Variants in CADM2 observed in about 807,000 individuals in gnomAD.
CADM2 encodes immunoglobulin superfamily member 4D.
In CADM2, 12 loss-of-function variants were observed where a neutral mutation model predicts 49.8. The observed-to-expected ratio is 0.24, with a 90% confidence interval of 0.15 to 0.39. The LOEUF (loss-of-function observed/expected upper bound fraction) is 0.39. Among genes scored for constraint, CADM2 ranks in the 10% least tolerant of loss-of-function variants. The pLI is 1.00. For missense variants in CADM2, 378 were observed against 492.3 expected (o/e 0.77, Z 2.20); for synonymous variants, 214 against 175.4 (o/e 1.22, Z -1.74).
chr3:85,774,732 C>A (rs1033963905), intron 2 of CADM2, among the ~76,000 whole-genome samples: 1 of 151,172 alleles, frequency 6.6e-6, no homozygotes, highest in Non-Finnish European at 1.5e-5. Context: ...AATAGGTCAC[C>A]TAAATTAAGT....
chr3:85,834,221 T>G (rs973543549), intron 3 of CADM2, among the ~76,000 whole-genome samples: 2 of 151,642 alleles, frequency 1.3e-5, no homozygotes, highest in Non-Finnish European at 3.0e-5. Flanking sequence ...AAAAAATTAT[T>G]ATACTCTTAT....
intron 1 of CADM2, among the ~76,000 whole-genome samples, chr3:85,689,230 G>T (rs951484000): frequency 1.3e-5 from 2 of 152,150 alleles, no homozygotes; most frequent in African/African-American, 2.4e-5. Context: ...ATGACAGAAC[G>T]ATCACGGGAA....
At chr3:85,292,421 G>C (rs957124596) in intron 1 of CADM2, among the ~76,000 whole-genome samples, 30 of 151,200 alleles carry the variant, frequency 2.0e-4, no homozygotes, top group African/African-American at 7.3e-4. Flanking sequence ...ATTGAACTCA[G>C]CTCTGCCCCA....
chr3:85,396,089 T>G (rs2034774645), intron 1 of CADM2, among the ~76,000 whole-genome samples: 1 of 151,294 alleles, frequency 6.6e-6, no homozygotes, highest in Admixed American at 6.6e-5. Context: ...CAGTATTGAT[T>G]CTGAAGAAAG....
chr3:85,046,421 G>T (rs2035658973), intron 1 of CADM2, among the ~76,000 whole-genome samples: 1 of 151,328 alleles, frequency 6.6e-6, no homozygotes, highest in Non-Finnish European at 1.5e-5. Context: ...ATCCCACGGG[G>T]TCAATTATAG....
chr3:85,989,255 T>G (rs998931927), intron 8 of CADM2, among the ~76,000 whole-genome samples: 4 of 152,066 alleles, frequency 2.6e-5, no homozygotes, highest in Non-Finnish European at 5.9e-5. Context: ...ACAAGAGAAC[T>G]GTTGGCTACA....
At chr3:85,396,964 A>C (rs2034822346) in intron 1 of CADM2, among the ~76,000 whole-genome samples, 1 of 152,116 alleles carries the variant, frequency 6.6e-6, no homozygotes, top group Non-Finnish European at 1.5e-5. Flanking sequence ...AAGCAGAATG[A>C]AAGTACAACC....
rs1229163420 is a variant in CADM2, at chr3:84,961,123, GAC to G, written c.61+1460_61+1461del. 1.6e-4 allele frequency among the ~76,000 whole-genome samples: 25 copies of G among 152,084 alleles called. 1 individual carries two copies. Among genetic ancestry groups the G allele is most frequent in the Admixed American group, 1.6e-3 (25 of 15,268 alleles). ...CTGGGTAAAAGGGATCTGAAAGTAA[GAC>G]ACACGTAGACTCACTGGCGTGCAAA... is the stretch of plus-strand genomic sequence containing the variant. On this transcript the variant is annotated intron_variant, in intron 1 of 9. Transcript: ENST00000383699.
intron 1 of CADM2, among the ~76,000 whole-genome samples, chr3:85,687,636 AT>A (rs1369913493): frequency 1.3e-5 from 2 of 152,186 alleles, no homozygotes; most frequent in African/African-American, 4.8e-5. Context: ...TTTTCTACTT[AT>A]TGTAAGAGGA....
chr3:85,453,041 C>G (rs922591348), intron 1 of CADM2, among the ~76,000 whole-genome samples: 2 of 152,064 alleles, frequency 1.3e-5, no homozygotes, highest in Non-Finnish European at 2.9e-5. Context: ...AAGTGTACTA[C>G]TAGTAGTTCA....
At chr3:85,179,004 T>C (rs1210111002) in intron 1 of CADM2, among the ~76,000 whole-genome samples, 1 of 151,978 alleles carries the variant, frequency 6.6e-6, no homozygotes. Flanking sequence ...CAAATTATAC[T>C]ATACATCTCC....
intron 2 of CADM2, among the ~76,000 whole-genome samples, chr3:85,787,143 A>G (rs1410116019): frequency 6.6e-6 from 1 of 152,078 alleles, no homozygotes; most frequent in Non-Finnish European, 1.5e-5. Context: ...ATTAATAACA[A>G]GGAACTTACC....
intron 1 of CADM2, among the ~76,000 whole-genome samples, chr3:85,076,374 C>G (rs985852609): frequency 6.7e-6 from 1 of 149,668 alleles, no homozygotes; most frequent in Non-Finnish European, 1.5e-5. Context: ...GATGGAGTCT[C>G]GCTCTGTCAC....
At chr3:86,014,813 A>G in intron 8 of CADM2, 1 of 1,487,422 alleles carries the variant, frequency 6.7e-7, no homozygotes, top group East Asian at 2.3e-5. Context: ...TAGAGCTTCC[A>G]TCCACCATCT....
intron 1 of CADM2, among the ~76,000 whole-genome samples, chr3:85,670,545 T>G (rs2065705921): frequency 6.6e-6 from 1 of 152,052 alleles, no homozygotes; most frequent in Non-Finnish European, 1.5e-5. Context: ...CATCCTTCCT[T>G]CATAACTCAG....
intron 1 of CADM2, among the ~76,000 whole-genome samples, chr3:85,532,346 A>G (rs1162701255): frequency 2.6e-5 from 4 of 152,208 alleles, no homozygotes; most frequent in Non-Finnish European, 2.9e-5. Context: ...TATCTCCTTA[A>G]GCACATGTAT....
intron 1 of CADM2, among the ~76,000 whole-genome samples, chr3:85,392,744 G>A (rs1358653473): frequency 6.6e-6 from 1 of 150,388 alleles, no homozygotes; most frequent in Non-Finnish European, 1.5e-5. Flanking sequence ...TTTGTAATGA[G>A]CTTAATAAAC....
intron 8 of CADM2, among the ~76,000 whole-genome samples, chr3:86,038,904 A>C (rs1301173495): frequency 6.6e-6 from 1 of 152,164 alleles, no homozygotes; most frequent in East Asian, 1.9e-4. Flanking sequence ...TCCATCATAC[A>C]TTTCTGCCTC....
chr3:85,884,458 C>A (rs986580881), intron 4 of CADM2, among the ~76,000 whole-genome samples: 2 of 152,042 alleles, frequency 1.3e-5, no homozygotes, highest in Admixed American at 6.6e-5. Flanking sequence ...ACAAAATATG[C>A]CCTCTAAAAT....
Sources: gnomAD v4.1 joint callset for allele counts (sites outside exome capture counted in the v4.1 genomes callset) on GRCh38, gnomAD v4.1.1 for gene constraint, MANE v1.5 for transcripts, NCBI Gene and HGNC (gene_info 2026-07-23, HGNC 2026-07-21) for gene names.